Variants in ZNF516 observed in about 807,000 individuals in gnomAD.
ZNF516 encodes zinc finger protein 516.
A neutral mutation model predicts 79.7 loss-of-function variants in ZNF516; 19 were observed. The ratio of observed to expected loss-of-function variants is 0.24; its 90% CI spans 0.17 to 0.35. The LOEUF is 0.35. Among genes scored for constraint, ZNF516 ranks in the 10% least tolerant of loss-of-function variants. The pLI is 1.00. For synonymous variants in ZNF516, 877 were observed against 739.5 expected, an observed-to-expected ratio of 1.19 and a Z score of -3.02; for missense variants, 1,678 against 1,679.5, an observed-to-expected ratio of 1.00 and a Z score of 0.02.
rs574686801 is a variant in ZNF516, at chr18:76,403,229, A to C, written c.1811-22926T>G. ...CCATACAACAGTACTATACTGGTGC[A>C]CCCGTTAAGACACTTCCCTTGCCCA... On this transcript the variant is annotated intron_variant, in intron 3 of 6. Transcript: ENST00000443185. 3.9e-5 allele frequency among the ~76,000 whole-genome samples: 6 copies of C among 152,314 alleles called. No homozygotes were observed. The East Asian group carries it at 9.6e-4, about 24-fold the overall frequency.
rs1393750353 is a variant in ZNF516 at position 76,467,233 on chromosome 18, CTGCGTGTCTCT to C, written c.-271-4103_-271-4093del. ...AGCCCCTCTGGGCTGGCAGGAAGTC[CTGCGTGTCTCT>C]CGGAACCTGCAGCTGACAGCCCCTC... On this transcript the variant is annotated intron_variant, in intron 1 of 6. Coordinates refer to ENST00000443185, the MANE Select transcript of ZNF516 (RefSeq NM_014643.4). The surrounding 1 kb of genome is among the most constrained non-coding windows in gnomAD (Gnocchi z 4.2). 1.8e-4 allele frequency among the ~76,000 whole-genome samples: 1 copy of C among 5,520 alleles called. No homozygotes were observed. Among genetic ancestry groups the C allele is most frequent in the African/African-American group, 2.3e-4 (1 of 4,312 alleles). The allele number at this position is 5,520 out of a possible 152,430, so 3.6% of individuals were successfully genotyped here. A position where few individuals can be genotyped will look rare whatever the true frequency, so the allele number is the denominator to read the frequency against.
chr18:76,490,428 G>A (rs1320494945), intron 1 of ZNF516, among the ~76,000 whole-genome samples: 1 of 152,198 alleles, frequency 6.6e-6, no homozygotes, highest in Non-Finnish European at 1.5e-5. Context: ...TGGAACAAAT[G>A]ATAAAATGAG....
intron 3 of ZNF516, among the ~76,000 whole-genome samples, chr18:76,390,321 T>C (rs1230734771): frequency 6.6e-6 from 1 of 152,240 alleles, no homozygotes; most frequent in Non-Finnish European, 1.5e-5. Context: ...CATGTATGTC[T>C]GTAATGAAAT....
intron 3 of ZNF516, among the ~76,000 whole-genome samples, chr18:76,407,201 A>G (rs908979869): frequency 6.6e-6 from 1 of 152,168 alleles, no homozygotes; most frequent in Non-Finnish European, 1.5e-5. Flanking sequence ...CCAAAGGCCA[A>G]GGAGGATCAC....
intron 3 of ZNF516, among the ~76,000 whole-genome samples, chr18:76,384,605 C>A (rs2074953801): frequency 6.7e-6 from 1 of 148,996 alleles, no homozygotes; most frequent in African/African-American, 2.5e-5. Flanking sequence ...CTCCCATCCC[C>A]CACCCCCCCT....
In ZNF516 at chr18:76,467,628, C is replaced by T. The variant is rs1205830048; in HGVS notation, c.-271-4487G>A. 6.6e-6 allele frequency among the ~76,000 whole-genome samples: 1 copy of T among 152,178 alleles called. No individual in the cohort carries two copies. The highest frequency in any genetic ancestry group is 2.4e-5 in the African/African-American group (1 of 41,438). ...CAGAGGGGAGTCCCTGCTGCTCCTT[C>T]CTAACTGGGATCTTGAGAAAGACAA... On this transcript the variant is annotated intron_variant, in intron 1 of 6. Coordinates refer to ENST00000443185, the MANE Select transcript of ZNF516 (RefSeq NM_014643.4). The surrounding 1 kb of genome is among the most constrained non-coding windows in gnomAD (Gnocchi z 4.2).
intron 6 of ZNF516, among the ~76,000 whole-genome samples, chr18:76,366,819 C>A (rs1007824094): frequency 2.0e-5 from 3 of 152,136 alleles, no homozygotes; most frequent in African/African-American, 7.2e-5. Context: ...AAAATAAGCA[C>A]CATTATCATT....
chr18:76,456,891 T>C (rs747994018), intron 2 of ZNF516, among the ~76,000 whole-genome samples: 5 of 152,248 alleles, frequency 3.3e-5, no homozygotes, highest in Non-Finnish European at 5.9e-5. Context: ...GTTTTGTTGT[T>C]TTCCAAAATC....
chr18:76,411,123 C>T (rs12954347), intron 3 of ZNF516, among the ~76,000 whole-genome samples: 2 of 152,202 alleles, frequency 1.3e-5, no homozygotes, highest in Non-Finnish European at 2.9e-5. Flanking sequence ...GACTGTCTAA[C>T]AGGTCCTCCT....
chr18:76,412,150 T>C (rs1341164614), intron 3 of ZNF516, among the ~76,000 whole-genome samples: 1 of 152,178 alleles, frequency 6.6e-6, no homozygotes, highest in African/African-American at 2.4e-5. Context: ...AAAAACTATT[T>C]TCAGAGGAAG....
intron 3 of ZNF516, among the ~76,000 whole-genome samples, chr18:76,440,962 G>A (rs73975433): frequency 0.018 from 2,715 of 152,270 alleles, 68 homozygotes; most frequent in African/African-American, 0.062. Flanking sequence ...GGGAGCTGAT[G>A]GGTGTCTGTG....
At position 76,442,641 on chromosome 18, in the gene ZNF516, C is replaced by T. The variant is rs779114020; in HGVS notation, c.414G>A (p.Arg138=). The change falls in exon 3 of 7, where the codon AGG becomes AGA. Residue 138 remains arginine, a synonymous_variant. Coordinates refer to ENST00000443185, the MANE Select transcript of ZNF516 (RefSeq NM_014643.4). ...CGGCCTGCGAGGCCCCGTTCAGGAC[C>T]CTGGCGCCGTCGGCCTGCGAGGCCC... ...LNGASQADGA[R]VLNGASQADS... The T allele has an allele frequency of 6.9e-6, 11 of 1,590,920 alleles. No homozygotes were observed. The South Asian group carries it at 1.1e-4, about 16-fold the overall frequency.
At chr18:76,446,656 AG>A (rs1912068892) in intron 2 of ZNF516, among the ~76,000 whole-genome samples, 1 of 152,156 alleles carries the variant, frequency 6.6e-6, no homozygotes, top group Non-Finnish European at 1.5e-5. Flanking sequence ...CTCACTTAAA[AG>A]CTTTCCCCGA....
At chr18:76,468,223 T>C (rs975085553) in intron 1 of ZNF516, among the ~76,000 whole-genome samples, 3 of 152,200 alleles carry the variant, frequency 2.0e-5, no homozygotes, top group Non-Finnish European at 4.4e-5. Context: ...GGATTGGCAG[T>C]GTCCTACAAT....
intron 1 of ZNF516, among the ~76,000 whole-genome samples, chr18:76,489,496 T>C (rs1915030902): frequency 6.6e-6 from 1 of 150,744 alleles, no homozygotes; most frequent in African/African-American, 2.4e-5. Flanking sequence ...TTTATGAAAG[T>C]GGAGACAAAG....
chr18:76,401,981 G>A (rs979815328), intron 3 of ZNF516, among the ~76,000 whole-genome samples: 2 of 152,036 alleles, frequency 1.3e-5, no homozygotes, highest in African/African-American at 4.8e-5. Flanking sequence ...GCGTGCCTAT[G>A]TGCATGTGTG....
In ZNF516 at chr18:76,364,978, GA is replaced by G. The variant is rs1193511870; in HGVS notation, c.3433-2422del. Among the ~76,000 whole-genome samples, 26 of 152,190 alleles carry G rather than the reference GA, an allele frequency of 1.7e-4. 1 individual carries two copies. The highest frequency in any genetic ancestry group is 1.7e-3 in the Admixed American group (26 of 15,288). On this transcript the variant is annotated intron_variant, in intron 6 of 6. Coordinates refer to ENST00000443185, the MANE Select transcript of ZNF516 (RefSeq NM_014643.4). ...GATGCTTGTTTGGTTTAATAAATAA[GA>G]AAAGCTTAAGCAAATGAGCTGAATT...
At position 76,417,462 on chromosome 18, in the gene ZNF516, A is replaced by C. The variant is rs573879667; in HGVS notation, c.1810+23783T>G. Among the ~76,000 whole-genome samples, 3 of 152,356 alleles carry C rather than the reference A, an allele frequency of 2.0e-5. No individual in the cohort carries two copies. The East Asian group carries it at 5.8e-4, about 29-fold the overall frequency. Reference sequence around the variant, plus strand: ...TTTTAACCAAAGATATTTACAAGTAATTTACCAATTTTTCTAGCACATGCT... The same window carrying C: ...TTTTAACCAAAGATATTTACAAGTACTTTACCAATTTTTCTAGCACATGCT... On this transcript the variant is annotated intron_variant, in intron 3 of 6. Transcript: ENST00000443185.
chr18:76,484,901 T>C (rs1914740416), intron 1 of ZNF516, among the ~76,000 whole-genome samples: 1 of 152,218 alleles, frequency 6.6e-6, no homozygotes, highest in Admixed American at 6.5e-5. Context: ...CATTAACAGA[T>C]TCTGCTTTTC....
Sources: allele counts gnomAD v4.1 joint callset (sites outside exome capture counted in the v4.1 genomes callset), GRCh38; gene constraint gnomAD v4.1.1; non-coding constraint Gnocchi (gnomAD v3.1); transcripts MANE v1.5; gene names NCBI Gene and HGNC (gene_info 2026-07-23, HGNC 2026-07-21).